The following PRKCI variants were observed in gnomAD, a reference collection of about 807,000 sequenced individuals.
PRKCI encodes protein kinase C iota type.
Under a neutral mutation model 84.0 loss-of-function variants are expected in PRKCI, and 43 were observed. The ratio of observed to expected loss-of-function variants is 0.51; its 90% CI spans 0.40 to 0.66. PRKCI has a LOEUF of 0.66. Among genes scored for constraint, PRKCI ranks in the 30% least tolerant of loss-of-function variants. The pLI, the probability that PRKCI is intolerant of heterozygous loss-of-function variation, is 0.00. For missense variants in PRKCI, 459 were observed against 745.6 expected, an observed-to-expected ratio of 0.62 and a Z score of 4.48; for synonymous variants, 216 against 234.4, an observed-to-expected ratio of 0.92 and a Z score of 0.72.
intron 2 of PRKCI, among the ~76,000 whole-genome samples, chr3:170,258,009 G>A (rs1246101608): frequency 6.6e-6 from 1 of 151,856 alleles, no homozygotes; most frequent in Non-Finnish European, 1.5e-5. Flanking sequence ...CTTTGCCTGA[G>A]AAGAGCTAGG....
chr3:170,226,682 T>A (rs1287948357), intron 1 of PRKCI, among the ~76,000 whole-genome samples: 1 of 152,212 alleles, frequency 6.6e-6, no homozygotes, highest in African/African-American at 2.4e-5. Flanking sequence ...GGATTTTTCT[T>A]ACTGTGAACA....
At chr3:170,273,537 G>A (rs1331830695) in intron 7 of PRKCI, among the ~76,000 whole-genome samples, 197 bp downstream of exon 7, 2 of 152,202 alleles carry the variant, frequency 1.3e-5, no homozygotes, top group African/African-American at 2.4e-5. Flanking sequence ...ACTGTGGGCT[G>A]GGTGCGGTGG....
chr3:170,295,538 T>C (rs1406667746), intron 14 of PRKCI, among the ~76,000 whole-genome samples: 1 of 151,814 alleles, frequency 6.6e-6, no homozygotes, highest in Non-Finnish European at 1.5e-5. Context: ...TCACTGGGCA[T>C]AGTGGCACAC....
At chr3:170,273,207 G>A in intron 6 of PRKCI, 79 bp from the exon 7 acceptor site, 1 of 1,133,534 alleles carries the variant, frequency 8.8e-7, no homozygotes, top group Non-Finnish European at 1.3e-6. Context: ...TTAATATGCT[G>A]TGTGTTGTTG....
intron 2 of PRKCI, among the ~76,000 whole-genome samples, chr3:170,238,114 G>A (rs1257930670): frequency 2.0e-5 from 3 of 152,192 alleles, no homozygotes; most frequent in Non-Finnish European, 4.4e-5. Context: ...TATAATCCCA[G>A]CATTTTGGGA....
At chr3:170,242,929 C>G (rs1733172522) in intron 2 of PRKCI, among the ~76,000 whole-genome samples, 1 of 151,934 alleles carries the variant, frequency 6.6e-6, no homozygotes, top group Non-Finnish European at 1.5e-5. Context: ...CCTCAGCCTC[C>G]CAAAGTGCTG....
chr3:170,284,954 TATAA>T (rs1466220650), intron 12 of PRKCI, among the ~76,000 whole-genome samples: 2 of 152,206 alleles, frequency 1.3e-5, no homozygotes, highest in East Asian at 3.8e-4. Flanking sequence ...GTGAATCTTA[TATAA>T]TGCATTCAGG....
At chr3:170,286,485 CTTTTTTTTTTTT>C (rs34674664) in intron 12 of PRKCI, among the ~76,000 whole-genome samples, 14 of 65,588 alleles carry the variant, frequency 2.1e-4, no homozygotes, top group East Asian at 1.1e-3. Flanking sequence ...AACAATGAGG[CTTTTTTTTTTTT>C]TTTTTTTTTT....
chr3:170,235,566 C>CTTTTTTTTTTTTTTTTTTT (rs199938459), intron 2 of PRKCI, among the ~76,000 whole-genome samples: 1 of 136,240 alleles, frequency 7.3e-6, no homozygotes, highest in African/African-American at 2.7e-5. Context: ...ATTAACTTGA[C>CTTTTTTTTTTTTTTTTTTT]TTTTTTTTTT....
chr3:170,235,381 A>T, intron 2 of PRKCI, 30 bp downstream of exon 2: 1 of 1,608,740 alleles, frequency 6.2e-7, no homozygotes, highest in African/African-American at 1.3e-5. Context: ...CTGCCTGTGT[A>T]AGCATTTTAA....
At chr3:170,268,266 A>G (rs944811482) in intron 5 of PRKCI, among the ~76,000 whole-genome samples, 1 of 149,708 alleles carries the variant, frequency 6.7e-6, no homozygotes, top group Non-Finnish European at 1.5e-5. Flanking sequence ...GGATCAGTTG[A>G]GGCCAGGAGT....
chr3:170,266,924 C>T (rs1436747336), intron 4 of PRKCI, among the ~76,000 whole-genome samples: 3 of 152,120 alleles, frequency 2.0e-5, no homozygotes, highest in Admixed American at 6.5e-5. Flanking sequence ...ACCCAGGAGG[C>T]GGAGGTTGCA....
At chr3:170,271,041 G>A (rs1239508962) in intron 6 of PRKCI, among the ~76,000 whole-genome samples, 2 of 151,454 alleles carry the variant, frequency 1.3e-5, no homozygotes, top group Non-Finnish European at 2.9e-5. Context: ...GTTTGTTATC[G>A]AAAAAAATAC....
At position 170,222,584 on chromosome 3, in the gene PRKCI, C is replaced by A; in HGVS notation, c.-86C>A. ...TGGGCGGACGGCCGCGGTTCTCCGG[C>A]AAGCGCAGGCGGCGGAGTCCCCCAC... On this transcript the variant is annotated 5_prime_UTR_variant, in exon 1 of 18. Coordinates refer to ENST00000295797, the MANE Select transcript of PRKCI (RefSeq NM_002740.6). 8.3e-7 allele frequency: 1 copy of A among 1,206,668 alleles called. No homozygotes were observed. Among genetic ancestry groups the A allele is most frequent in the Non-Finnish European group, 1.1e-6 (1 of 884,790 alleles). 74.7% of individuals were successfully genotyped at this position (1,206,668 alleles called of 1,614,324 possible). A position where few individuals can be genotyped will look rare whatever the true frequency, so the allele number is the denominator to read the frequency against.
At chr3:170,262,239 GTTAAT>G (rs1204594667) in intron 3 of PRKCI, among the ~76,000 whole-genome samples, 1 of 152,148 alleles carries the variant, frequency 6.6e-6, no homozygotes, top group Non-Finnish European at 1.5e-5. Context: ...TGTTTCTGGT[GTTAAT>G]TTATTCCTAA....
At chr3:170,232,634 A>G (rs1009118813) in intron 1 of PRKCI, among the ~76,000 whole-genome samples, 1 of 151,912 alleles carries the variant, frequency 6.6e-6, no homozygotes. Flanking sequence ...TGGCTCGATC[A>G]TGGCTCACTG....
At chr3:170,273,166 C>G (rs1281972819) in intron 6 of PRKCI, 120 bp from the exon 7 acceptor site, 2 of 775,186 alleles carry the variant, frequency 2.6e-6, no homozygotes, top group African/African-American at 3.5e-5. Flanking sequence ...AGTAAATTCT[C>G]ACTTAAGTTA....
chr3:170,273,268 C>T lies in PRKCI; in HGVS notation c.592-18C>T, dbSNP rs1192670918. On this transcript the variant is annotated intron_variant, in intron 6 of 17. Coordinates refer to ENST00000295797, the MANE Select transcript of PRKCI (RefSeq NM_002740.6). ...GAGGTACTCCACTGAGTTACTGTGT[C>T]TTTGGAAATGTTTGTAGGAACCAGT... The T allele has an allele frequency of 6.2e-6, 10 of 1,609,354 alleles. No individual in the cohort carries two copies. Among genetic ancestry groups the T allele is most frequent in the Non-Finnish European group, 8.5e-6 (10 of 1,176,144 alleles).
At chr3:170,247,335 C>T (rs945703800) in intron 2 of PRKCI, among the ~76,000 whole-genome samples, 2 of 150,920 alleles carry the variant, frequency 1.3e-5, no homozygotes, top group Non-Finnish European at 2.9e-5. Flanking sequence ...GGATTACAGG[C>T]GTGAGCCACT....
Sources: allele counts gnomAD v4.1 joint callset (sites outside exome capture counted in the v4.1 genomes callset), GRCh38; gene constraint gnomAD v4.1.1; transcripts MANE v1.5; gene names NCBI Gene and HGNC (gene_info 2026-07-23, HGNC 2026-07-21).